Variants in CRLF3 observed in about 807,000 individuals in gnomAD.
CRLF3 encodes cytokine receptor-like factor 3.
A neutral mutation model predicts 55.0 loss-of-function variants in CRLF3; 33 were observed. The observed-to-expected ratio is 0.60, with a 90% CI of 0.46 to 0.80. The LOEUF (loss-of-function observed/expected upper bound fraction) is 0.80, where lower values mean the gene tolerates loss of function less well. CRLF3 is among the 30% of genes least tolerant of loss of function. The pLI, the probability that CRLF3 is intolerant of heterozygous loss-of-function variation, is 0.00. For synonymous variants in CRLF3, 238 were observed against 196.8 expected, an observed-to-expected ratio of 1.21 and a Z score of -1.75; for missense variants, 494 against 538.4, an observed-to-expected ratio of 0.92 and a Z score of 0.82.
intron 1 of CRLF3, among the ~76,000 whole-genome samples, chr17:30,806,373 G>A (rs960580894): frequency 6.6e-6 from 1 of 152,128 alleles, no homozygotes; most frequent in African/African-American, 2.4e-5. Context: ...ATGAAACTTC[G>A]TTTGCAGAAG....
intron 6 of CRLF3, chr17:30,786,431 G>A (rs1050359911): frequency 1.9e-5 from 3 of 156,436 alleles, no homozygotes; most frequent in African/African-American, 7.2e-5. Flanking sequence ...TAGAGATGGG[G>A]TTTCACCATC....
intron 4 of CRLF3, among the ~76,000 whole-genome samples, chr17:30,794,213 G>T (rs1256003454): frequency 6.6e-6 from 1 of 152,160 alleles, no homozygotes. Context: ...TGAAGAAATG[G>T]CATGTTTTTT....
Position 30,794,775 on chromosome 17 carries a change from CAG to C in CRLF3, c.604-1105_604-1104del, listed in dbSNP as rs367869437. On this transcript the variant is annotated intron_variant, in intron 4 of 7. Transcript: ENST00000324238. ...TGCCACTGTACTCCAGCCTGGGTGA[CAG>C]AGTGAGACCCTGTCTCAAAAACAAA... 1.6e-4 allele frequency among the ~76,000 whole-genome samples: 25 copies of C among 152,224 alleles called. 1 individual carries two copies. The East Asian group carries it at 4.1e-3, about 25-fold the overall frequency.
chr17:30,815,314 G>C (rs1010090602), intron 1 of CRLF3, among the ~76,000 whole-genome samples: 9 of 151,344 alleles, frequency 5.9e-5, no homozygotes, highest in Admixed American at 1.3e-4. Flanking sequence ...TCGAACTCCT[G>C]ACCTCAGGTG....
chr17:30,818,696 C>T (rs1401036483), intron 1 of CRLF3, among the ~76,000 whole-genome samples: 2 of 151,886 alleles, frequency 1.3e-5, no homozygotes, highest in East Asian at 1.9e-4. Context: ...TCAGGTGATC[C>T]GCCCGCCTCA....
chr17:30,793,714 A>C lies in CRLF3; in HGVS notation c.604-42T>G, dbSNP rs372969095. 3.2e-4 allele frequency: 463 copies of C among 1,431,074 alleles called. 2 individuals carry two copies. The highest frequency in any genetic ancestry group is 4.1e-4 in the Non-Finnish European group (418 of 1,029,500). 88.6% of individuals were successfully genotyped at this position (1,431,074 alleles called of 1,614,324 possible). On this transcript the variant is annotated intron_variant, in intron 4 of 7. Coordinates refer to ENST00000324238, the MANE Select transcript of CRLF3 (RefSeq NM_015986.4). ...TATGTTAGGTAAAAAACAGAAAATG[A>C]CTTCTCTCAGCATCACTGCTTAAAA... is the stretch of plus-strand genomic sequence containing the variant.
chr17:30,814,972 C>T (rs1322899011), intron 1 of CRLF3, among the ~76,000 whole-genome samples: 1 of 152,060 alleles, frequency 6.6e-6, no homozygotes, highest in Non-Finnish European at 1.5e-5. Context: ...CATTGCACTC[C>T]AGCCTGGGCA....
chr17:30,799,086 A>G (rs192370502), intron 2 of CRLF3, among the ~76,000 whole-genome samples: 26 of 152,240 alleles, frequency 1.7e-4, no homozygotes, highest in Middle Eastern at 3.4e-3. Context: ...AGCCTGGCCA[A>G]CATGGTGAAA....
At chr17:30,798,448 C>T (rs1567663234) in intron 2 of CRLF3, among the ~76,000 whole-genome samples, 1 of 152,072 alleles carries the variant, frequency 6.6e-6, no homozygotes, top group Non-Finnish European at 1.5e-5. Context: ...CCTTCCACAG[C>T]CCTGAAGAAC....
Position 30,793,639 on chromosome 17 carries a change from G to A in CRLF3, c.637C>T (p.Leu213Phe), listed in dbSNP as rs766423192. The A allele has an allele frequency of 2.1e-5, 34 of 1,613,714 alleles. No homozygotes were observed. The highest frequency in any genetic ancestry group is 2.6e-5 in the Non-Finnish European group (31 of 1,179,828). ...TTTGAAGTACATTTACGAAACTGGA[G>A]CCTGTAATCTTGGGCTGTAAAGTCA... ...DDDFTAQDYR[L>F]QFRKCTSNHF... The change falls in exon 5 of 8, where the codon CTC becomes TTC. Residue 213 changes from leucine to phenylalanine, a missense_variant. By Grantham distance (22) the Leu-to-Phe change is conservative. Transcript: ENST00000324238.
Position 30,796,143 on chromosome 17 carries a change from A to G in CRLF3, c.603+17T>C, listed in dbSNP as rs768048675. The G allele has an allele frequency of 1.9e-6, 3 of 1,556,380 alleles. No homozygotes were observed. Among genetic ancestry groups the G allele is most frequent in the Non-Finnish European group, 2.6e-6 (3 of 1,148,408 alleles). On this transcript the variant is annotated intron_variant, in intron 4 of 7. Coordinates refer to ENST00000324238, the MANE Select transcript of CRLF3 (RefSeq NM_015986.4). ...CCCATAATGTGGAAGTCATTTCTAG[A>G]ATTCTGAATTACATACCTTACACCA...
intron 2 of CRLF3, among the ~76,000 whole-genome samples, chr17:30,799,107 A>G (rs1173455747): frequency 3.3e-5 from 5 of 151,904 alleles, no homozygotes; most frequent in African/African-American, 9.7e-5. Flanking sequence ...CTCTGTCTCT[A>G]TTAAAAATAC....
intron 7 of CRLF3, among the ~76,000 whole-genome samples, chr17:30,785,410 A>G (rs778059850): frequency 4.5e-4 from 68 of 152,080 alleles, no homozygotes; most frequent in Middle Eastern, 3.4e-3. Flanking sequence ...CTAGGGATGT[A>G]GACTGAATGA....
intron 1 of CRLF3, among the ~76,000 whole-genome samples, chr17:30,804,623 CT>C (rs2142262863): frequency 6.6e-6 from 1 of 152,210 alleles, no homozygotes; most frequent in East Asian, 1.9e-4. Context: ...GCATAGTGTC[CT>C]TCAGGTTCAT....
intron 6 of CRLF3, among the ~76,000 whole-genome samples, chr17:30,792,153 T>C (rs760996923): frequency 6.6e-6 from 1 of 152,128 alleles, no homozygotes; most frequent in Non-Finnish European, 1.5e-5. Flanking sequence ...CAGCCTAAGA[T>C]TGACTTTTGA....
At chr17:30,797,918 G>A (rs542917997) in intron 2 of CRLF3, among the ~76,000 whole-genome samples, 1 of 148,846 alleles carries the variant, frequency 6.7e-6, no homozygotes. Flanking sequence ...GTGACCACAC[G>A]TGCACGCCAC....
chr17:30,806,198 A>G (rs575461660), intron 1 of CRLF3, among the ~76,000 whole-genome samples: 2 of 152,196 alleles, frequency 1.3e-5, no homozygotes, highest in African/African-American at 4.8e-5. Flanking sequence ...CTCTTTGTCA[A>G]TCTAAATGAG....
chr17:30,804,483 A>G (rs553158604), intron 1 of CRLF3, among the ~76,000 whole-genome samples: 1 of 152,196 alleles, frequency 6.6e-6, no homozygotes, highest in East Asian at 1.9e-4. Flanking sequence ...TTTGACCAAC[A>G]TCTCCCCATC....
intron 2 of CRLF3, among the ~76,000 whole-genome samples, chr17:30,801,795 G>A (rs557590215): frequency 6.6e-6 from 1 of 151,858 alleles, no homozygotes; most frequent in African/African-American, 2.4e-5. Flanking sequence ...TCTCCAAATA[G>A]GCAGGGTCAT....
Sources: gnomAD v4.1 joint callset for allele counts (sites outside exome capture counted in the v4.1 genomes callset) on GRCh38, gnomAD v4.1.1 for gene constraint, MANE v1.5 for transcripts, NCBI Gene and HGNC (gene_info 2026-07-23, HGNC 2026-07-21) for gene names.